The following LSAMP variants were observed in gnomAD, a reference collection of about 807,000 sequenced individuals.
The protein encoded by LSAMP is limbic system-associated membrane protein.
LSAMP carries 7 observed loss-of-function variants against 38.6 expected under a neutral mutation model. That is an observed-to-expected ratio of 0.18 (90% CI 0.10 to 0.34). The LOEUF (loss-of-function observed/expected upper bound fraction) is 0.34, where lower values mean the gene tolerates loss of function less well. Ranked by LOEUF, LSAMP falls within the 10% of genes least tolerant of loss-of-function variation. The probability of loss-of-function intolerance (pLI) is 1.00; values close to 1 mark genes in which losing one functional copy is unlikely to be tolerated. For synonymous variants in LSAMP, 154 were observed against 166.8 expected (o/e 0.92, Z 0.59); for missense variants, 313 against 420.0 (o/e 0.75, Z 2.23).
chr3:116,055,389 C>T (rs150043746), intron 2 of LSAMP, among the ~76,000 whole-genome samples: 1 of 152,262 alleles, frequency 6.6e-6, no homozygotes, highest in African/African-American at 2.4e-5. Context: ...AACAGAAACA[C>T]ATAAACTGTG....
chr3:116,387,684 C>A (rs1032770147), intron 1 of LSAMP, among the ~76,000 whole-genome samples: 1 of 152,010 alleles, frequency 6.6e-6, no homozygotes, highest in African/African-American at 2.4e-5. Flanking sequence ...CAAACAACAT[C>A]GGGATTTCCT....
In LSAMP at chr3:116,201,626, AAGG is replaced by A. The variant is rs545625056; in HGVS notation, c.156-115073_156-115071del. On this transcript the variant is annotated intron_variant, in intron 1 of 6. Transcript: ENST00000490035. The stretch of plus-strand genomic sequence containing the variant: ...CAGACACCCTGCATTACTTCTGTAA[AAGG>A]AGAATGATCTACTTACTCAGGCTCT... Among the ~76,000 whole-genome samples, 650 of 152,282 alleles carry A rather than the reference AAGG, an allele frequency of 4.3e-3. 7 individuals are homozygous for A. The highest frequency in any genetic ancestry group is 0.015 in the African/African-American group (612 of 41,576).
chr3:116,031,857 T>C (rs1471518397), intron 2 of LSAMP, among the ~76,000 whole-genome samples: 3 of 152,080 alleles, frequency 2.0e-5, no homozygotes, highest in Non-Finnish European at 4.4e-5. Context: ...ATTATTTCCT[T>C]CTAAACAAAT....
chr3:116,252,891 C>T (rs1185117228), intron 1 of LSAMP, among the ~76,000 whole-genome samples: 1 of 152,190 alleles, frequency 6.6e-6, no homozygotes, highest in African/African-American at 2.4e-5. Context: ...CTATACTTAA[C>T]TGGAGACATA....
chr3:116,097,919 A>G (rs1655833823), intron 1 of LSAMP, among the ~76,000 whole-genome samples: 1 of 151,880 alleles, frequency 6.6e-6, no homozygotes, highest in African/African-American at 2.4e-5. Context: ...ATTTTTAGGT[A>G]AGATGGGGTT....
intron 1 of LSAMP, among the ~76,000 whole-genome samples, chr3:116,087,487 C>CA (rs555635975): frequency 6.6e-6 from 1 of 152,014 alleles, no homozygotes; most frequent in Non-Finnish European, 1.5e-5. Context: ...AAAACAAAAA[C>CA]AAAAAAACCT....
intron 1 of LSAMP, among the ~76,000 whole-genome samples, chr3:116,128,349 G>T (rs185806466): frequency 6.4e-4 from 97 of 152,292 alleles, no homozygotes; most frequent in African/African-American, 2.3e-3. Context: ...AAGTAGTAAT[G>T]GTATCTGAGC....
At chr3:115,860,200 C>T (rs1156792637) in intron 3 of LSAMP, among the ~76,000 whole-genome samples, 1 of 152,176 alleles carries the variant, frequency 6.6e-6, no homozygotes, top group Non-Finnish European at 1.5e-5. Context: ...GATATATTAT[C>T]TTATTTAATT....
At chr3:116,394,418 G>A (rs2048742385) in intron 1 of LSAMP, among the ~76,000 whole-genome samples, 1 of 152,064 alleles carries the variant, frequency 6.6e-6, no homozygotes, top group African/African-American at 2.4e-5. Context: ...ATCCCTGACC[G>A]AGGCCAATGA....
intron 6 of LSAMP, among the ~76,000 whole-genome samples, chr3:115,826,625 CA>C (rs772506589): frequency 6.6e-6 from 1 of 152,136 alleles, no homozygotes; most frequent in Non-Finnish European, 1.5e-5. Flanking sequence ...TTGTCATCCC[CA>C]AAACCCGGCT....
At chr3:116,412,666 C>T (rs1920183) in intron 1 of LSAMP, among the ~76,000 whole-genome samples, 28,557 of 152,002 alleles carry the variant, frequency 0.19, 3,570 homozygotes, top group African/African-American at 0.35. Flanking sequence ...TAAAGAAATA[C>T]TAATCCCCAA....
At chr3:116,370,743 T>G (rs1267218682) in intron 1 of LSAMP, among the ~76,000 whole-genome samples, 2 of 152,048 alleles carry the variant, frequency 1.3e-5, no homozygotes, top group African/African-American at 4.8e-5. Context: ...GGGTGCAAGC[T>G]GAAATAGAGA....
At chr3:116,132,072 C>T (rs1267847340) in intron 1 of LSAMP, among the ~76,000 whole-genome samples, 1 of 152,100 alleles carries the variant, frequency 6.6e-6, no homozygotes, top group Non-Finnish European at 1.5e-5. Context: ...AAGTGATTCA[C>T]CTGCCTCAAC....
chr3:115,874,097 G>C (rs1380992688), intron 3 of LSAMP, among the ~76,000 whole-genome samples: 6 of 152,112 alleles, frequency 3.9e-5, no homozygotes, highest in Admixed American at 3.9e-4. Context: ...ATCTAATGAA[G>C]ACTTGAATAT....
At position 116,209,856 on chromosome 3, in the gene LSAMP, G is replaced by A. The variant is rs113539155; in HGVS notation, c.156-123300C>T. On this transcript the variant is annotated intron_variant, in intron 1 of 6. Transcript: ENST00000490035. ...AACCTCCGCCACCCGGGTTGACGCC[G>A]TTCTCCTGCCTTAGCCTCCGAGTAG... 5.7e-3 allele frequency among the ~76,000 whole-genome samples: 869 copies of A among 152,142 alleles called. 7 individuals carry two copies. The highest frequency in any genetic ancestry group is 0.015 in the African/African-American group (640 of 41,512).
At chr3:115,978,855 T>C (rs1227295254) in intron 3 of LSAMP, among the ~76,000 whole-genome samples, 1 of 152,140 alleles carries the variant, frequency 6.6e-6, no homozygotes, top group Non-Finnish European at 1.5e-5. Flanking sequence ...CCAAGACTAT[T>C]TGATTTTGCA....
chr3:115,918,521 A>G (rs1466528706), intron 3 of LSAMP, among the ~76,000 whole-genome samples: 3 of 152,152 alleles, frequency 2.0e-5, no homozygotes, highest in Non-Finnish European at 2.9e-5. Context: ...TACCTACATC[A>G]GTCTCTCACT....
chr3:115,835,650 C>A (rs1350848974), intron 6 of LSAMP, among the ~76,000 whole-genome samples: 1 of 152,200 alleles, frequency 6.6e-6, no homozygotes, highest in African/African-American at 2.4e-5. Context: ...ATATTCAAAT[C>A]TGATAGCCTA....
intron 6 of LSAMP, among the ~76,000 whole-genome samples, chr3:115,821,477 GTTCTAA>G (rs1221848488): frequency 2.6e-5 from 4 of 152,268 alleles, no homozygotes; most frequent in Non-Finnish European, 5.9e-5. Context: ...TTGCACAGTT[GTTCTAA>G]TTCTAGGGTA....
Sources: allele counts gnomAD v4.1 joint callset (sites outside exome capture counted in the v4.1 genomes callset), GRCh38; gene constraint gnomAD v4.1.1; transcripts MANE v1.5; gene names NCBI Gene and HGNC (gene_info 2026-07-23, HGNC 2026-07-21).